The following ANAPC7 variants were observed in gnomAD, a reference collection of about 807,000 sequenced individuals.
The protein encoded by ANAPC7 is anaphase-promoting complex subunit 7.
A neutral mutation model predicts 63.3 loss-of-function variants in ANAPC7; 25 were observed. That is an observed-to-expected ratio of 0.39 (90% confidence interval 0.29 to 0.55). ANAPC7 has a LOEUF of 0.55. ANAPC7 is among the 20% of genes least tolerant of loss of function. ANAPC7 has a pLI of 0.57. For missense variants in ANAPC7, 516 were observed against 691.7 expected, an observed-to-expected ratio of 0.75 and a Z score of 2.85; for synonymous variants, 241 against 251.7, an observed-to-expected ratio of 0.96 and a Z score of 0.40.
chr12:110,403,649 C>G lies in ANAPC7; in HGVS notation c.-22G>C, dbSNP rs749261920. On this transcript the variant is annotated 5_prime_UTR_variant, in exon 1 of 11. Coordinates refer to ENST00000455511, the MANE Select transcript of ANAPC7 (RefSeq NM_016238.3). Reference sequence around the variant, plus strand: ...TCATCCTGCTCTGCAAAGCCGCGGGCAGCGGCGGCAGCACTGACTCGAAAA... The same window carrying G: ...TCATCCTGCTCTGCAAAGCCGCGGGGAGCGGCGGCAGCACTGACTCGAAAA... 6 of 1,574,718 alleles carry G rather than the reference C, an allele frequency of 3.8e-6. No homozygotes were observed. Among genetic ancestry groups the G allele is most frequent in the African/African-American group, 1.3e-5 (1 of 74,378 alleles).
At position 110,376,500 on chromosome 12, in the gene ANAPC7, C is replaced by T. The variant is rs543171219; in HGVS notation, c.1358-284G>A. On this transcript the variant is annotated intron_variant, in intron 9 of 10. Transcript: ENST00000455511. ...AGGTGAATGGCCTGAACCCAGGAGG[C>T]GGAGCTTGCAGTGAGCCGTGATTGT... Among the ~76,000 whole-genome samples the T allele has an allele frequency of 1.6e-4, 20 of 128,308 alleles. No individual in the cohort carries two copies. In the South Asian group the frequency reaches 3.4e-3, roughly 22 times the overall value. 84.2% of individuals were successfully genotyped at this position (128,308 alleles called of 152,430 possible).
intron 1 of ANAPC7, among the ~76,000 whole-genome samples, chr12:110,402,332 A>AT (rs758118135): frequency 0.2 from 28,862 of 144,180 alleles, 3,127 homozygotes; most frequent in Admixed American, 0.29. Context: ...GCAATAAAGG[A>AT]TTTTTTTTTT....
rs189908061 is a variant in ANAPC7 at position 110,388,888 on chromosome 12, G to A, written c.409-265C>T. ...GAGGTCAGGAGATTGAGACCATCCC[G>A]GCTAACACAGTGAAACCCCGTCTCT... On this transcript the variant is annotated intron_variant, in intron 3 of 10. Transcript: ENST00000455511. Among the ~76,000 whole-genome samples the A allele has an allele frequency of 3.3e-5, 5 of 151,960 alleles. No individual in the cohort carries two copies. The East Asian group carries it at 5.8e-4, about 18-fold the overall frequency.
At chr12:110,403,475 A>T in intron 1 of ANAPC7, 52 bp downstream of exon 1, 1 of 1,536,572 alleles carries the variant, frequency 6.5e-7, no homozygotes, top group East Asian at 2.4e-5. Flanking sequence ...CCCCGCTCCC[A>T]GACCGCCGCC....
rs1303269685 is a variant in ANAPC7, at chr12:110,403,537, T to C, written c.91A>G (p.Asn31Asp). 2 of 1,602,776 alleles carry C rather than the reference T, an allele frequency of 1.2e-6. No individual in the cohort carries two copies. Among genetic ancestry groups the C allele is most frequent in the South Asian group, 2.2e-5 (2 of 89,522 alleles). The change falls in exon 1 of 11, where the codon AAT becomes GAT. Residue 31 changes from asparagine to aspartate, a missense_variant. Physicochemically the swap from Asn to Asp is conservative, Grantham distance 23. Coordinates refer to ENST00000455511, the MANE Select transcript of ANAPC7 (RefSeq NM_016238.3). ...CCCGCCTCAACTCACGGGTTGTTAT[T>C]ACTCATTGTAAGTAACAAGCTGCTG... ...LLSSLLLTMS[N>D]NNPELFSPPQ...
At position 110,373,877 on chromosome 12, in the gene ANAPC7, A is replaced by G. The variant is rs1306755729; in HGVS notation, c.*267T>C. 4 of 380,854 alleles carry G rather than the reference A, an allele frequency of 1.1e-5. No individual in the cohort carries two copies. Among genetic ancestry groups the G allele is most frequent in the African/African-American group, 4.1e-5 (2 of 48,320 alleles). The allele number at this position is 380,854 out of a possible 1,614,324, so 23.6% of individuals were successfully genotyped here. On this transcript the variant is annotated 3_prime_UTR_variant, in exon 11 of 11. Transcript: ENST00000455511. ...GTTATATAAAAAGTACTCTTGGCCC[A>G]GAAGCCCCAACATGTGCGTGGGTCT... is the stretch of plus-strand genomic sequence containing the variant.
intron 5 of ANAPC7, chr12:110,387,383 CAGAGAGAGAG>C (rs1252832527): frequency 0.028 from 383 of 13,590 alleles, 6 homozygotes; most frequent in Middle Eastern, 0.12. Context: ...GAGAGAGAGA[CAGAGAGAGAG>C]AGAGAGAGAG....
intron 8 of ANAPC7, among the ~76,000 whole-genome samples, chr12:110,379,532 G>A (rs1171602233): frequency 6.6e-6 from 1 of 152,206 alleles, no homozygotes; most frequent in East Asian, 1.9e-4. Flanking sequence ...CAGCTGGGAA[G>A]ACAGGGAAGT....
intron 6 of ANAPC7, among the ~76,000 whole-genome samples, chr12:110,383,890 AAAAAAAAAGAAAAAAAAAAGAAAAAAG>A (rs1325948020): frequency 7.6e-6 from 1 of 131,684 alleles, no homozygotes; most frequent in Admixed American, 7.3e-5. Flanking sequence ...AAAAAAAAAA[AAAAAAAAAGAAAAAAAAAAGAAAAAAG>A]AAGGGCCAGG....
At chr12:110,388,658 C>G in intron 3 of ANAPC7, 35 bp from the exon 4 acceptor site, 1 of 1,449,828 alleles carries the variant, frequency 6.9e-7, no homozygotes, top group African/African-American at 1.4e-5. Flanking sequence ...GCAAAATAAG[C>G]GTATATTGCA....
rs768592404 is a variant in ANAPC7 at position 110,387,790 on chromosome 12, G to A, written c.623C>T (p.Ala208Val). 3.1e-6 allele frequency: 5 copies of A among 1,613,960 alleles called. No homozygotes were observed. The highest frequency in any genetic ancestry group is 1.7e-5 in the Admixed American group (1 of 59,970). ...NLDWLSVWIK[A>V]YAFVHTGDNS... is the part of the protein sequence containing the mutation. ...GTCACCAGTGTGCACAAAAGCATAC[G>A]CTTTGATCCACACAGAGAGCCAGTC... Residue 208 changes from alanine (A) to valine (V), a missense_variant, in exon 5 of 11, where the codon GCG becomes GTG. Ala to Val is a moderately conservative substitution (Grantham distance 64). Around this residue, in one of 4 missense-constraint regions of ANAPC7, gnomAD observed 199 missense variants for 249.3 expected, o/e 0.80. Coordinates refer to ENST00000455511, the MANE Select transcript of ANAPC7 (RefSeq NM_016238.3).
chr12:110,385,324 A>G (rs190127388), intron 6 of ANAPC7, among the ~76,000 whole-genome samples: 258 of 152,298 alleles, frequency 1.7e-3, no homozygotes, highest in African/African-American at 5.8e-3. Flanking sequence ...TCTCACCCAC[A>G]TTCTATAAAA....
chr12:110,387,428 A>AGAGAGG lies in ANAPC7; in HGVS notation c.674+310_674+311insCCTCTC, dbSNP rs1566269492. On this transcript the variant is annotated intron_variant, in intron 5 of 10. Coordinates refer to ENST00000455511, the MANE Select transcript of ANAPC7 (RefSeq NM_016238.3). ...GAGAGAGAGAGAGAGAGAGAGAGAG[A>AGAGAGG]GAGACCGACCTTGTCTCAAAAAAAA... The AGAGAGG allele has an allele frequency of 4.3e-4, 55 of 126,792 alleles. 4 individuals are homozygous for AGAGAGG. Among genetic ancestry groups the AGAGAGG allele is most frequent in the Admixed American group, 7.0e-4 (8 of 11,426 alleles). The allele number at this position is 126,792 out of a possible 1,614,324, so 7.9% of individuals were successfully genotyped here.
intron 1 of ANAPC7, among the ~76,000 whole-genome samples, chr12:110,401,950 CAAAAAAAAAAA>C (rs747810973): frequency 1.1e-4 from 5 of 46,108 alleles, no homozygotes; most frequent in South Asian, 1.0e-3. Context: ...GACTCCGTCT[CAAAAAAAAAAA>C]AAAAAAAAAA....
intron 1 of ANAPC7, among the ~76,000 whole-genome samples, chr12:110,403,168 G>A (rs891748379): frequency 1.5e-4 from 23 of 152,204 alleles, no homozygotes; most frequent in Non-Finnish European, 2.9e-4. Context: ...TGCAGCGAGA[G>A]AAAAAAACGT....
At chr12:110,384,634 A>G (rs1882283175) in intron 6 of ANAPC7, among the ~76,000 whole-genome samples, 1 of 151,504 alleles carries the variant, frequency 6.6e-6, no homozygotes, top group Non-Finnish European at 1.5e-5. Context: ...CAGTGAGCCG[A>G]GATTGCACCA....
At chr12:110,392,254 TGA>T (rs1479486635) in intron 3 of ANAPC7, among the ~76,000 whole-genome samples, 1 of 152,172 alleles carries the variant, frequency 6.6e-6, no homozygotes, top group African/African-American at 2.4e-5. Flanking sequence ...AGGCTTATGA[TGA>T]GAGAGGTTAA....
At chr12:110,385,504 C>T (rs1381208912) in intron 6 of ANAPC7, among the ~76,000 whole-genome samples, 2 of 152,168 alleles carry the variant, frequency 1.3e-5, no homozygotes, top group Non-Finnish European at 2.9e-5. Context: ...TCCAAGCTGC[C>T]AGCTGTTGCC....
chr12:110,387,933 T>C, intron 4 of ANAPC7, 41 bp from the exon 5 acceptor site: 2 of 1,604,370 alleles, frequency 1.2e-6, no homozygotes, highest in Non-Finnish European at 1.7e-6. Flanking sequence ...TAAGGCACGA[T>C]ATCTCTCTTC....
Sources: gnomAD v4.1 joint callset for allele counts (sites outside exome capture counted in the v4.1 genomes callset) on GRCh38, gnomAD v4.1.1 for gene constraint, gnomAD v4.1.1 regional missense constraint, MANE v1.5 for transcripts, NCBI Gene and HGNC (gene_info 2026-07-23, HGNC 2026-07-21) for gene names.